Variants in TMEM117 observed in about 807,000 individuals in gnomAD.
The protein encoded by TMEM117 is transmembrane protein 117.
Under a neutral mutation model 52.4 loss-of-function variants are expected in TMEM117, and 27 were observed. The observed-to-expected ratio is 0.51, with a 90% confidence interval of 0.38 to 0.71. The LOEUF is 0.71. Among genes scored for constraint, TMEM117 ranks in the 30% least tolerant of loss-of-function variants. The pLI is 0.00. For synonymous variants in TMEM117, 215 were observed against 206.3 expected (o/e 1.04, Z -0.36); for missense variants, 556 against 630.5 (o/e 0.88, Z 1.26).
intron 2 of TMEM117, among the ~76,000 whole-genome samples, chr12:43,900,679 C>G (rs905856063): frequency 6.7e-6 from 1 of 150,260 alleles, no homozygotes; most frequent in African/African-American, 2.5e-5. Context: ...GATCGCGCCA[C>G]TGTACTCCAG....
rs147899900 is a variant in TMEM117, at chr12:44,202,694, T to C, written c.511-8596T>C. 4.9e-3 allele frequency among the ~76,000 whole-genome samples: 739 copies of C among 152,302 alleles called. 4 individuals are homozygous for C. The highest frequency in any genetic ancestry group is 0.016 in the African/African-American group (676 of 41,560). The stretch of plus-strand genomic sequence containing the variant: ...CGGAGATATTCCTCTTCCTTGATTT[T>C]TGGAATAATTTCAGTAGGATTGGTA... On this transcript the variant is annotated intron_variant, in intron 4 of 7. Transcript: ENST00000266534.
intron 5 of TMEM117, among the ~76,000 whole-genome samples, chr12:44,276,703 G>A (rs11182455): frequency 0.27 from 41,391 of 151,926 alleles, 10,296 homozygotes; most frequent in African/African-American, 0.67. Flanking sequence ...AAGCCATTCT[G>A]CATTGTATTG....
At chr12:43,836,694 T>A (rs933782387) in intron 1 of TMEM117, among the ~76,000 whole-genome samples, 10 of 152,128 alleles carry the variant, frequency 6.6e-5, no homozygotes, top group Non-Finnish European at 1.5e-4. Flanking sequence ...AACTTCATCG[T>A]GACTAAATAA....
the TMEM117 span, among the ~76,000 whole-genome samples, chr12:43,828,607 T>G: frequency 6.6e-6 from 1 of 152,190 alleles, no homozygotes; most frequent in African/African-American, 2.4e-5. Flanking sequence ...TAATTTTTGT[T>G]TCTTATTATT....
At chr12:43,921,201 A>G (rs752092788) in intron 2 of TMEM117, among the ~76,000 whole-genome samples, 1 of 151,730 alleles carries the variant, frequency 6.6e-6, no homozygotes, top group Non-Finnish European at 1.5e-5. Context: ...CTATCTACCC[A>G]CCCGTCTCTA....
intron 5 of TMEM117, among the ~76,000 whole-genome samples, chr12:44,245,891 G>T (rs1030192935): frequency 6.6e-6 from 1 of 151,966 alleles, no homozygotes. Flanking sequence ...CCATTTAAAA[G>T]AAATACATTT....
chr12:44,254,762 C>G (rs1009321674), intron 5 of TMEM117, among the ~76,000 whole-genome samples: 2 of 151,906 alleles, frequency 1.3e-5, no homozygotes, highest in Admixed American at 6.6e-5. Flanking sequence ...CACCCATTAA[C>G]TCGTCATTTA....
At chr12:43,967,673 TGTG>T (rs1233248384) in intron 3 of TMEM117, among the ~76,000 whole-genome samples, 6 of 152,226 alleles carry the variant, frequency 3.9e-5, no homozygotes, top group Middle Eastern at 3.4e-3. Context: ...CCTCAGCCGA[TGTG>T]GTGATTATAG....
chr12:44,104,553 A>G (rs554847905), intron 3 of TMEM117, among the ~76,000 whole-genome samples: 1 of 152,070 alleles, frequency 6.6e-6, no homozygotes, highest in Admixed American at 6.6e-5. Flanking sequence ...AATTTTCCTT[A>G]ACTTATTTTC....
chr12:44,051,826 TAAC>T (rs1386585056), intron 3 of TMEM117, among the ~76,000 whole-genome samples: 1 of 152,198 alleles, frequency 6.6e-6, no homozygotes, highest in Non-Finnish European at 1.5e-5. Context: ...AAGTATATAA[TAAC>T]AACTTCAAAA....
the TMEM117 span, among the ~76,000 whole-genome samples, chr12:43,826,768 T>G: frequency 1.3e-5 from 2 of 152,216 alleles, no homozygotes; most frequent in South Asian, 4.1e-4. Context: ...AAAGCTAGGT[T>G]TTCTCTCTTC....
the TMEM117 span, among the ~76,000 whole-genome samples, chr12:43,810,280 C>T: frequency 6.6e-6 from 1 of 152,132 alleles, no homozygotes; most frequent in Non-Finnish European, 1.5e-5. Flanking sequence ...GTTTAAATGC[C>T]TAATAGGAAT....
intron 6 of TMEM117, among the ~76,000 whole-genome samples, chr12:44,327,918 A>G (rs896731789): frequency 2.9e-4 from 44 of 152,256 alleles, no homozygotes; most frequent in Non-Finnish European, 5.4e-4. Flanking sequence ...TGGAATGCCC[A>G]TTAAGGAAAA....
At chr12:43,800,657 A>G in the TMEM117 span, 3 of 649,482 alleles carry the variant, frequency 4.6e-6, no homozygotes, top group African/African-American at 5.5e-5. Context: ...TCCACCCACT[A>G]TAATATGCTA....
rs574698539 is a variant in TMEM117 at position 44,173,168 on chromosome 12, C to T, written c.510+29544C>T. 2.0e-5 allele frequency among the ~76,000 whole-genome samples: 3 copies of T among 152,332 alleles called. No homozygotes were observed. In the South Asian group the frequency reaches 6.2e-4, roughly 32 times the overall value. ...TTGATTCACTGCAACCTCTGCCTCC[C>T]AGGGTCAAGTGATCCTCCCACCTCG... is the stretch of plus-strand genomic sequence containing the variant. On this transcript the variant is annotated intron_variant, in intron 4 of 7. Transcript: ENST00000266534.
intron 5 of TMEM117, among the ~76,000 whole-genome samples, chr12:44,226,523 G>GTGTGTGTA (rs199798090): frequency 6.6e-6 from 1 of 151,842 alleles, no homozygotes; most frequent in Non-Finnish European, 1.5e-5. Flanking sequence ...GTGTGTGTGT[G>GTGTGTGTA]TACACATATA....
rs540994132 is a variant in TMEM117, at chr12:44,090,505, C to T, written c.411-53020C>T. 8.4e-3 allele frequency among the ~76,000 whole-genome samples: 1,280 copies of T among 151,626 alleles called. 12 individuals carry two copies. The highest frequency in any genetic ancestry group is 0.014 in the Non-Finnish European group (938 of 67,918). ...AGGTTGGAGTGCAGTGGCACAATCT[C>T]GGCTCACTGCAACCTCTGCCTCCCG... On this transcript the variant is annotated intron_variant, in intron 3 of 7. Transcript: ENST00000266534.
At chr12:43,977,599 T>G (rs900839776) in intron 3 of TMEM117, among the ~76,000 whole-genome samples, 9 of 152,164 alleles carry the variant, frequency 5.9e-5, no homozygotes, top group Non-Finnish European at 1.3e-4. Flanking sequence ...TAAAGGTAAA[T>G]AAGGCTTGTG....
intron 2 of TMEM117, among the ~76,000 whole-genome samples, chr12:43,922,613 G>A (rs1195769604): frequency 6.6e-6 from 1 of 152,102 alleles, no homozygotes; most frequent in Non-Finnish European, 1.5e-5. Flanking sequence ...TTGAGGTTTG[G>A]TTAAACATGT....
Sources: allele counts gnomAD v4.1 joint callset (sites outside exome capture counted in the v4.1 genomes callset), GRCh38; gene constraint gnomAD v4.1.1; transcripts MANE v1.5; gene names NCBI Gene and HGNC (gene_info 2026-07-23, HGNC 2026-07-21).